CADPS2: variants seen among roughly 807,000 people sequenced by gnomAD.
The protein encoded by CADPS2 is calcium dependent secretion activator 2.
In CADPS2, 93 loss-of-function variants were observed where a neutral mutation model predicts 172.5. The observed-to-expected ratio is 0.54, with a 90% confidence interval of 0.46 to 0.64. The LOEUF (loss-of-function observed/expected upper bound fraction) is 0.64, where lower values mean the gene tolerates loss of function less well. Among genes scored for constraint, CADPS2 ranks in the 30% least tolerant of loss-of-function variants. The pLI is 0.00. For missense variants in CADPS2, 1,420 were observed against 1,565.9 expected, an observed-to-expected ratio of 0.91 and a Z score of 1.57; for synonymous variants, 546 against 555.2, an observed-to-expected ratio of 0.98 and a Z score of 0.23.
At chr7:122,675,998 C>CA (rs1414313334) in intron 2 of CADPS2, among the ~76,000 whole-genome samples, 1 of 151,746 alleles carries the variant, frequency 6.6e-6, no homozygotes, top group Non-Finnish European at 1.5e-5. Context: ...AAAACAACAA[C>CA]AAAAAAAGAA....
At chr7:122,594,272 A>G (rs748844590) in intron 6 of CADPS2, among the ~76,000 whole-genome samples, 3 of 151,004 alleles carry the variant, frequency 2.0e-5, no homozygotes, top group African/African-American at 4.9e-5. Flanking sequence ...CAGTCTCAAA[A>G]AGGGGAAAAA....
chr7:122,865,009 T>C (rs970826784), intron 1 of CADPS2, among the ~76,000 whole-genome samples: 4 of 152,254 alleles, frequency 2.6e-5, no homozygotes, highest in Admixed American at 2.6e-4. Context: ...ATGTTGGAAG[T>C]AGGGGCCTAA....
intron 1 of CADPS2, among the ~76,000 whole-genome samples, chr7:122,805,521 T>C (rs1166354379): frequency 1.3e-5 from 2 of 152,144 alleles, no homozygotes; most frequent in Non-Finnish European, 2.9e-5. Flanking sequence ...ATGAGTAAGG[T>C]TCTAGTAATT....
intron 8 of CADPS2, among the ~76,000 whole-genome samples, chr7:122,538,437 A>C (rs576114804): frequency 1.7e-4 from 26 of 150,732 alleles, no homozygotes; most frequent in Admixed American, 1.5e-3. Flanking sequence ...ACCTTAACTC[A>C]TTAGCAGTCA....
rs1402528620 is a variant in CADPS2, at chr7:122,706,312, G to T, written c.453+30643C>A. On this transcript the variant is annotated intron_variant, in intron 2 of 29. Transcript: ENST00000449022. The stretch of plus-strand genomic sequence containing the variant: ...ATATATATATGCTTATATATTCAAG[G>T]AATATATATATATGCTTATATATTC... Among the ~76,000 whole-genome samples the T allele has an allele frequency of 1.4e-4, 2 of 14,440 alleles. 1 individual carries two copies. The highest frequency in any genetic ancestry group is 3.4e-4 in the Non-Finnish European group (2 of 5,894). The allele number at this position is 14,440 out of a possible 152,430, so 9.5% of individuals were successfully genotyped here. A position where few individuals can be genotyped will look rare whatever the true frequency, so the allele number is the denominator to read the frequency against.
At chr7:122,477,001 AGGAGAGGAGAGGAGAGGAGAGGAGAGGAG>A (rs2056702189) in intron 12 of CADPS2, among the ~76,000 whole-genome samples, 86 of 36,114 alleles carry the variant, frequency 2.4e-3, no homozygotes, top group African/African-American at 7.5e-3. Flanking sequence ...GGGAGGGGAG[AGGAGAGGAGAGGAGAGGAGAGGAGAGGAG>A]AGGAGAGGAG....
chr7:122,431,448 T>A (rs1165602215), intron 17 of CADPS2, among the ~76,000 whole-genome samples: 2 of 152,038 alleles, frequency 1.3e-5, no homozygotes, highest in Non-Finnish European at 2.9e-5. Flanking sequence ...TGGGGGTAAG[T>A]TTTGCAAATT....
intron 1 of CADPS2, among the ~76,000 whole-genome samples, chr7:122,773,006 A>G (rs2093750394): frequency 2.0e-5 from 3 of 152,124 alleles, no homozygotes; most frequent in Admixed American, 2.0e-4. Context: ...ATGGCACCAC[A>G]TGAAATGAAC....
intron 1 of CADPS2, among the ~76,000 whole-genome samples, chr7:122,815,994 C>G (rs964239000): frequency 2.0e-5 from 3 of 152,136 alleles, no homozygotes; most frequent in Admixed American, 2.0e-4. Context: ...TCCATCATCT[C>G]AGGTATTTAT....
At chr7:122,640,256 T>C (rs930085595) in intron 3 of CADPS2, among the ~76,000 whole-genome samples, 24 of 152,098 alleles carry the variant, frequency 1.6e-4, no homozygotes, top group African/African-American at 5.6e-4. Flanking sequence ...TTTCAGGTAT[T>C]ATGAGTCTGT....
At chr7:122,736,843 C>T in intron 2 of CADPS2, 112 bp downstream of exon 2, 1 of 593,174 alleles carries the variant, frequency 1.7e-6, no homozygotes, top group African/African-American at 1.9e-5. Context: ...GTTGCAAATT[C>T]ACAGCCTTCC....
intron 3 of CADPS2, among the ~76,000 whole-genome samples, chr7:122,640,080 C>T (rs901313724): frequency 3.9e-5 from 6 of 152,162 alleles, no homozygotes; most frequent in Admixed American, 1.3e-4. Flanking sequence ...ATGAGTAATG[C>T]CGTGTGATAA....
At chr7:122,463,684 T>C (rs1490121410) in intron 14 of CADPS2, among the ~76,000 whole-genome samples, 1 of 151,648 alleles carries the variant, frequency 6.6e-6, no homozygotes, top group Non-Finnish European at 1.5e-5. Flanking sequence ...CTAAGGAGGG[T>C]GGGAGAAAAA....
At chr7:122,822,358 C>T (rs1803568283) in intron 1 of CADPS2, among the ~76,000 whole-genome samples, 2 of 151,974 alleles carry the variant, frequency 1.3e-5, no homozygotes, top group African/African-American at 4.8e-5. Context: ...CACAATATCA[C>T]CCCTTACCAC....
rs368175774 is a variant in CADPS2 at position 122,393,491 on chromosome 7, G to A, written c.2838C>T (p.Ile946=). ...CAAAACCTCTGTGAATTGACTGGGC[G>A]ATGGAAGACTCCATGAGATCCACAT... ...VRYVDLMESS[I]AQSIHRGFEQ... is the part of the protein sequence containing the mutation. Residue 946 remains isoleucine (I), a synonymous_variant, in exon 21 of 30, where the codon ATC becomes ATT. Transcript: ENST00000449022. The A allele has an allele frequency of 1.7e-5, 27 of 1,613,870 alleles. No homozygotes were observed. Among genetic ancestry groups the A allele is most frequent in the Admixed American group, 6.7e-5 (4 of 60,010 alleles).
In CADPS2 at chr7:122,410,204, G is replaced by A. The variant is rs553222826; in HGVS notation, c.2590-2508C>T. On this transcript the variant is annotated intron_variant, in intron 19 of 29. Transcript: ENST00000449022. ...ACTAAAAATACAAAAATTAGCTGGC[G>A]GTGGTGGTGTGCACCTGTAACCCCA... Among the ~76,000 whole-genome samples, 34 of 151,944 alleles carry A rather than the reference G, an allele frequency of 2.2e-4. No individual in the cohort carries two copies. The East Asian group carries it at 6.0e-3, about 27-fold the overall frequency.
At chr7:122,645,318 TAC>T (rs1184713217) in intron 3 of CADPS2, among the ~76,000 whole-genome samples, 5 of 121,372 alleles carry the variant, frequency 4.1e-5, no homozygotes, top group Admixed American at 2.4e-4. Flanking sequence ...CATGTGTGTA[TAC>T]ATGTACATAT....
At chr7:122,443,153 T>C (rs1296983533) in intron 15 of CADPS2, among the ~76,000 whole-genome samples, 1 of 152,180 alleles carries the variant, frequency 6.6e-6, no homozygotes, top group Non-Finnish European at 1.5e-5. Flanking sequence ...ATGTTACTGA[T>C]CCCCAGATTA....
At chr7:122,411,951 C>T (rs1251060050) in intron 19 of CADPS2, among the ~76,000 whole-genome samples, 1 of 152,066 alleles carries the variant, frequency 6.6e-6, no homozygotes, top group African/African-American at 2.4e-5. Flanking sequence ...TGAAAATGCT[C>T]CAAAACATGA....
Sources: gnomAD v4.1 joint callset for allele counts (sites outside exome capture counted in the v4.1 genomes callset) on GRCh38, gnomAD v4.1.1 for gene constraint, MANE v1.5 for transcripts, NCBI Gene and HGNC (gene_info 2026-07-23, HGNC 2026-07-21) for gene names.